The following KCND3 variants were observed in gnomAD, a reference collection of about 807,000 sequenced individuals.
KCND3 encodes potassium voltage-gated channel subfamily D member 3, also known as A-type voltage-gated potassium channel KCND3.
Under a neutral mutation model 51.1 loss-of-function variants are expected in KCND3, and 9 were observed. The ratio of observed to expected loss-of-function variants is 0.18; its 90% CI spans 0.11 to 0.31. The LOEUF is 0.31. Among genes scored for constraint, KCND3 ranks in the 10% least tolerant of loss-of-function variants. The pLI is 1.00. For synonymous variants in KCND3, 349 were observed against 368.0 expected (o/e 0.95, Z 0.59); for missense variants, 526 against 903.8 (o/e 0.58, Z 5.36).
chr1:111,879,585 T>C (rs532382446), intron 2 of KCND3, among the ~76,000 whole-genome samples: 2 of 152,346 alleles, frequency 1.3e-5, no homozygotes, highest in African/African-American at 4.8e-5. Flanking sequence ...CTGGAGTGTC[T>C]AGATGCAAGA....
In KCND3 at chr1:111,771,044, A is replaced by G. The variant is rs1403403416; in HGVS notation, c.*5033T>C. 4 of 152,168 alleles carry G rather than the reference A, an allele frequency of 2.6e-5. No individual in the cohort carries two copies. Among genetic ancestry groups the G allele is most frequent in the African/African-American group, 9.7e-5 (4 of 41,450 alleles). 9.4% of individuals were successfully genotyped at this position (152,168 alleles called of 1,614,324 possible). A position where few individuals can be genotyped will look rare whatever the true frequency, so the allele number is the denominator to read the frequency against. ...AAATATACCATCCCTCCCACCTCCC[A>G]GGTTTGTAAAATAGTCCATTGGTCC... On this transcript the variant is annotated 3_prime_UTR_variant, in exon 8 of 8. Transcript: ENST00000302127.
chr1:111,977,507 A>T (rs746573712), intron 2 of KCND3, among the ~76,000 whole-genome samples: 29 of 152,220 alleles, frequency 1.9e-4, no homozygotes, highest in Non-Finnish European at 2.8e-4. Flanking sequence ...ATCTCAGAGC[A>T]TGGGGTGACA....
intron 2 of KCND3, among the ~76,000 whole-genome samples, chr1:111,962,544 A>G (rs1673718418): frequency 6.6e-6 from 1 of 151,448 alleles, no homozygotes; most frequent in Admixed American, 6.6e-5. Flanking sequence ...ATTACATCCC[A>G]CTCTTAGGGA....
chr1:111,833,512 G>T (rs1265674170), intron 2 of KCND3, among the ~76,000 whole-genome samples: 2 of 152,196 alleles, frequency 1.3e-5, no homozygotes, highest in Non-Finnish European at 2.9e-5. Context: ...AGTTTCTTAG[G>T]AATCATGCTC....
chr1:111,880,777 G>A (rs1394994552), intron 2 of KCND3, among the ~76,000 whole-genome samples: 1 of 152,162 alleles, frequency 6.6e-6, no homozygotes, highest in Admixed American at 6.5e-5. Flanking sequence ...TGAATGTTTC[G>A]TTGCACATTT....
chr1:111,904,030 T>C (rs1342016848), intron 2 of KCND3, among the ~76,000 whole-genome samples: 1 of 152,102 alleles, frequency 6.6e-6, no homozygotes, highest in Non-Finnish European at 1.5e-5. Flanking sequence ...ATAAACAATT[T>C]GTTGGCCTTC....
intron 1 of KCND3, among the ~76,000 whole-genome samples, chr1:111,984,287 C>T (rs755358893): frequency 1.3e-5 from 2 of 152,336 alleles, no homozygotes; most frequent in African/African-American, 2.4e-5. Context: ...CCCTCAAACT[C>T]CTGAGCTGCC....
intron 1 of KCND3, among the ~76,000 whole-genome samples, chr1:111,986,923 T>G (rs1557772872): frequency 6.6e-6 from 1 of 152,128 alleles, no homozygotes. Flanking sequence ...GCCACCTTCC[T>G]AGAGAGTAAA....
At chr1:111,973,103 A>C (rs1437210154) in intron 2 of KCND3, among the ~76,000 whole-genome samples, 1 of 152,226 alleles carries the variant, frequency 6.6e-6, no homozygotes, top group African/African-American at 2.4e-5. Context: ...TGCATTGTTT[A>C]GTTTTTAAGC....
chr1:111,803,353 C>A (rs1665407973), intron 2 of KCND3, among the ~76,000 whole-genome samples: 1 of 152,230 alleles, frequency 6.6e-6, no homozygotes, highest in Admixed American at 6.5e-5. Flanking sequence ...CTCTGATTCT[C>A]TTTCAGTCTC....
intron 2 of KCND3, among the ~76,000 whole-genome samples, chr1:111,891,317 A>T (rs1669810342): frequency 6.6e-6 from 1 of 152,182 alleles, no homozygotes; most frequent in Non-Finnish European, 1.5e-5. Context: ...AAAGAGAAGG[A>T]AAAAAATGGT....
intron 2 of KCND3, among the ~76,000 whole-genome samples, chr1:111,803,458 C>T (rs1344054159): frequency 7.9e-5 from 12 of 152,140 alleles, no homozygotes. Context: ...AGAGGTGGTC[C>T]TTAGGGCTGC....
intron 2 of KCND3, among the ~76,000 whole-genome samples, chr1:111,916,249 A>G (rs1019837288): frequency 6.6e-6 from 1 of 152,242 alleles, no homozygotes; most frequent in Non-Finnish European, 1.5e-5. Flanking sequence ...GAATTAAACT[A>G]GAGATAAAAA....
At chr1:111,817,404 A>G (rs1242681395) in intron 2 of KCND3, among the ~76,000 whole-genome samples, 1 of 152,242 alleles carries the variant, frequency 6.6e-6, no homozygotes, top group African/African-American at 2.4e-5. Flanking sequence ...AAGTGGCCCA[A>G]TAATTTCACC....
Position 111,868,619 on chromosome 1 carries a change from T to C in KCND3, c.1107-81513A>G, listed in dbSNP as rs184181560. Reference sequence around the variant, plus strand: ...TAATAGCTACCATTTATTAAGCATTTACTATATGCCAACATTTTGTTATAC... The same window carrying C: ...TAATAGCTACCATTTATTAAGCATTCACTATATGCCAACATTTTGTTATAC... On this transcript the variant is annotated intron_variant, in intron 2 of 7. Coordinates refer to ENST00000302127, the MANE Select transcript of KCND3 (RefSeq NM_001378969.1). Among the ~76,000 whole-genome samples, 133 of 152,352 alleles carry C rather than the reference T, an allele frequency of 8.7e-4. 1 individual carries two copies. The highest frequency in any genetic ancestry group is 2.4e-4 in the Non-Finnish European group (16 of 68,034).
chr1:111,956,566 G>A (rs776004663), intron 2 of KCND3, among the ~76,000 whole-genome samples: 5 of 152,084 alleles, frequency 3.3e-5, no homozygotes, highest in South Asian at 4.2e-4. Flanking sequence ...CTGGGCTCTC[G>A]AGTCCCACTT....
intron 2 of KCND3, among the ~76,000 whole-genome samples, chr1:111,818,671 T>C (rs1273853999): frequency 2.6e-5 from 4 of 152,230 alleles, no homozygotes; most frequent in Non-Finnish European, 5.9e-5. Flanking sequence ...TATTGTCCCC[T>C]GAGTTTCCCT....
chr1:111,929,972 T>C (rs1273814355), intron 2 of KCND3, among the ~76,000 whole-genome samples: 5 of 152,308 alleles, frequency 3.3e-5, no homozygotes, highest in South Asian at 4.1e-4. Context: ...CCAGGGCCCA[T>C]TGTCCTTTGC....
intron 2 of KCND3, among the ~76,000 whole-genome samples, chr1:111,896,716 TG>T (rs1268896514): frequency 6.6e-6 from 1 of 152,224 alleles, no homozygotes; most frequent in Non-Finnish European, 1.5e-5. Context: ...CAGGCCAAGC[TG>T]GAAGGTGGCA....
Sources: allele counts gnomAD v4.1 joint callset (sites outside exome capture counted in the v4.1 genomes callset), GRCh38; gene constraint gnomAD v4.1.1; transcripts MANE v1.5; gene names NCBI Gene and HGNC (gene_info 2026-07-23, HGNC 2026-07-21).